Variants in MSRA observed in about 807,000 individuals in gnomAD.
The protein encoded by MSRA is methionine sulfoxide reductase A, also known as mitochondrial peptide methionine sulfoxide reductase.
Under a neutral mutation model 31.3 loss-of-function variants are expected in MSRA, and 54 were observed. The observed-to-expected ratio is 1.73, with a 90% CI of 1.39 to 2.17. The LOEUF (loss-of-function observed/expected upper bound fraction) is 2.17. MSRA is among the 30% of genes most tolerant of loss of function. The pLI, the probability that MSRA is intolerant of heterozygous loss-of-function variation, is 0.00. For synonymous variants in MSRA, 169 were observed against 116.5 expected (o/e 1.45, Z -2.90); for missense variants, 507 against 300.9 (o/e 1.69, Z -5.07).
chr8:10,181,323 C>T (rs1282838115), intron 1 of MSRA, among the ~76,000 whole-genome samples: 2 of 151,860 alleles, frequency 1.3e-5, no homozygotes, highest in African/African-American at 4.8e-5. Context: ...ATGTTCCAGG[C>T]AGTAGGCCAG....
intron 5 of MSRA, among the ~76,000 whole-genome samples, chr8:10,350,813 G>C (rs34080926): frequency 6.6e-6 from 1 of 152,120 alleles, no homozygotes; most frequent in Non-Finnish European, 1.5e-5. Context: ...ACAGCATTGC[G>C]CCTTCCCTCT....
intron 1 of MSRA, among the ~76,000 whole-genome samples, chr8:10,071,379 A>T (rs1797723693): frequency 6.6e-6 from 1 of 150,528 alleles, no homozygotes; most frequent in Non-Finnish European, 1.5e-5. Context: ...AGTCTTTTAT[A>T]TATTCTCATT....
chr8:10,063,418 C>T (rs189439489), intron 1 of MSRA, among the ~76,000 whole-genome samples: 4 of 152,318 alleles, frequency 2.6e-5, no homozygotes, highest in East Asian at 3.9e-4. Context: ...TGGACACTTG[C>T]TGTAATTTGC....
At chr8:10,073,264 G>A (rs1461371828) in intron 1 of MSRA, among the ~76,000 whole-genome samples, 1 of 152,130 alleles carries the variant, frequency 6.6e-6, no homozygotes, top group African/African-American at 2.4e-5. Flanking sequence ...TTTTGCAGAT[G>A]CTGTTTATTG....
At chr8:10,320,619 G>C (rs904378332) in intron 5 of MSRA, among the ~76,000 whole-genome samples, 1 of 151,844 alleles carries the variant, frequency 6.6e-6, no homozygotes, top group Non-Finnish European at 1.5e-5. Context: ...CTCTGTATTA[G>C]TTTTACAGGG....
intron 1 of MSRA, among the ~76,000 whole-genome samples, chr8:10,062,305 G>C (rs1387433149): frequency 6.6e-6 from 1 of 152,212 alleles, no homozygotes; most frequent in Non-Finnish European, 1.5e-5. Flanking sequence ...ATGTATGGAA[G>C]ACTGAATTCT....
At chr8:10,353,846 G>A (rs1804348702) in intron 5 of MSRA, 2 of 225,404 alleles carry the variant, frequency 8.9e-6, no homozygotes, top group African/African-American at 4.6e-5. Context: ...CATGTCTTGT[G>A]TCATGTAGGA....
intron 3 of MSRA, among the ~76,000 whole-genome samples, chr8:10,292,898 C>T (rs911079439): frequency 2.0e-5 from 3 of 152,084 alleles, no homozygotes; most frequent in African/African-American, 7.2e-5. Flanking sequence ...TGGGGGAAAC[C>T]AGGTTGCTGT....
chr8:10,065,085 C>T (rs758298799), intron 1 of MSRA, among the ~76,000 whole-genome samples: 2 of 152,058 alleles, frequency 1.3e-5, no homozygotes, highest in Non-Finnish European at 2.9e-5. Flanking sequence ...TACAAAGAGC[C>T]ACCTCATCTA....
chr8:10,166,104 G>C (rs1421962848), intron 1 of MSRA, among the ~76,000 whole-genome samples: 2 of 152,178 alleles, frequency 1.3e-5, no homozygotes, highest in Non-Finnish European at 1.5e-5. Context: ...AAAGGTGTGT[G>C]AGCAGCAGTG....
chr8:10,330,360 A>G (rs1433890753), intron 5 of MSRA, among the ~76,000 whole-genome samples: 1 of 152,184 alleles, frequency 6.6e-6, no homozygotes, highest in East Asian at 1.9e-4. Context: ...ATATTTAGCC[A>G]TGCTATAACC....
At chr8:10,239,072 A>C (rs1448001738) in intron 2 of MSRA, among the ~76,000 whole-genome samples, 1 of 152,212 alleles carries the variant, frequency 6.6e-6, no homozygotes, top group Admixed American at 6.5e-5. Flanking sequence ...AGAAAAATGA[A>C]CAGAGGCACT....
In MSRA at chr8:10,428,701, A is replaced by G. The variant is rs1435759997; in HGVS notation, c.*389A>G. 2 of 230,694 alleles carry G rather than the reference A, an allele frequency of 8.7e-6. No individual in the cohort carries two copies. Among genetic ancestry groups the G allele is most frequent in the Non-Finnish European group, 1.7e-5 (2 of 119,514 alleles). The allele number at this position is 230,694 out of a possible 1,614,324, so 14.3% of individuals were successfully genotyped here. Reference sequence around the variant, plus strand: ...AGTGCCTTACAATTTGCAAACGTGTATAGCCTCAGTGACTCATTCGCTGAA... The same window carrying G: ...AGTGCCTTACAATTTGCAAACGTGTGTAGCCTCAGTGACTCATTCGCTGAA... On this transcript the variant is annotated 3_prime_UTR_variant, in exon 6 of 6. Coordinates refer to ENST00000317173, the MANE Select transcript of MSRA (RefSeq NM_012331.5).
chr8:10,164,511 G>GA (rs1804949298), intron 1 of MSRA, among the ~76,000 whole-genome samples: 3 of 151,978 alleles, frequency 2.0e-5, no homozygotes, highest in African/African-American at 7.3e-5. Context: ...TAGGACTCCT[G>GA]AATAGGCCGA....
At chr8:10,350,873 C>T (rs1804087668) in intron 5 of MSRA, among the ~76,000 whole-genome samples, 1 of 152,248 alleles carries the variant, frequency 6.6e-6, no homozygotes. Context: ...GCCTAGTCAG[C>T]TGTCAGGGAG....
chr8:10,072,527 T>G (rs1797786696), intron 1 of MSRA, among the ~76,000 whole-genome samples: 1 of 152,188 alleles, frequency 6.6e-6, no homozygotes, highest in African/African-American at 2.4e-5. Context: ...CAGGCCTTAA[T>G]ATTAGAGTCA....
intron 3 of MSRA, among the ~76,000 whole-genome samples, chr8:10,283,826 T>TAC (rs1162031001): frequency 6.7e-4 from 46 of 68,392 alleles, no homozygotes; most frequent in African/African-American, 2.1e-3. Flanking sequence ...TATATATATA[T>TAC]ATATATATAT....
chr8:10,198,324 TTG>T (rs1427540924), intron 1 of MSRA, among the ~76,000 whole-genome samples: 1 of 152,068 alleles, frequency 6.6e-6, no homozygotes, highest in Non-Finnish European at 1.5e-5. Flanking sequence ...ATTTTTTTTT[TTG>T]TTGTTCTTAC....
At chr8:10,368,206 A>G (rs942025503) in intron 5 of MSRA, among the ~76,000 whole-genome samples, 2 of 152,242 alleles carry the variant, frequency 1.3e-5, no homozygotes, top group African/African-American at 2.4e-5. Flanking sequence ...GGTTCATTCC[A>G]TACTGTGATG....
Sources: allele counts gnomAD v4.1 joint callset (sites outside exome capture counted in the v4.1 genomes callset), GRCh38; gene constraint gnomAD v4.1.1; transcripts MANE v1.5; gene names NCBI Gene and HGNC (gene_info 2026-07-23, HGNC 2026-07-21).